Variants in PCNX1 observed in about 807,000 individuals in gnomAD.
PCNX1 encodes pecanex 1.
A neutral mutation model predicts 242.2 loss-of-function variants in PCNX1; 78 were observed. The ratio of observed to expected loss-of-function variants is 0.32; its 90% CI spans 0.27 to 0.39. The LOEUF (loss-of-function observed/expected upper bound fraction) is 0.39. PCNX1 is among the 10% of genes least tolerant of loss of function. The probability of loss-of-function intolerance (pLI) is 1.00; values close to 1 mark genes in which losing one functional copy is unlikely to be tolerated. For missense variants in PCNX1, 2,581 were observed against 2,856.5 expected, an observed-to-expected ratio of 0.90 and a Z score of 2.20; for synonymous variants, 1,024 against 1,032.9, an observed-to-expected ratio of 0.99 and a Z score of 0.17.
At chr14:71,011,010 ATGTT>A (rs1327483231) in intron 9 of PCNX1, among the ~76,000 whole-genome samples, 1 of 152,144 alleles carries the variant, frequency 6.6e-6, no homozygotes, top group Non-Finnish European at 1.5e-5. Flanking sequence ...TGCTGTTACC[ATGTT>A]TAATGTAGTT....
chr14:70,928,482 G>A (rs562886766), intron 1 of PCNX1, among the ~76,000 whole-genome samples: 1 of 152,184 alleles, frequency 6.6e-6, no homozygotes, highest in Non-Finnish European at 1.5e-5. Flanking sequence ...TAGAAATTCA[G>A]TGTTTATCAA....
intron 1 of PCNX1, among the ~76,000 whole-genome samples, chr14:70,935,296 G>T (rs1360229859): frequency 1.3e-5 from 2 of 152,064 alleles, no homozygotes; most frequent in Admixed American, 6.6e-5. Flanking sequence ...CCTGTAATCC[G>T]AGCACTTTGC....
chr14:70,909,805 C>T (rs2055742117), intron 1 of PCNX1, among the ~76,000 whole-genome samples: 1 of 152,082 alleles, frequency 6.6e-6, no homozygotes, highest in Non-Finnish European at 1.5e-5. Flanking sequence ...TTCCTTATCT[C>T]AATTAATGGC....
chr14:70,907,949 G>C lies in PCNX1; in HGVS notation c.99G>C (p.Ala33=), dbSNP rs1460991639. 1.3e-6 allele frequency: 2 copies of C among 1,597,512 alleles called. No homozygotes were observed. Among genetic ancestry groups the C allele is most frequent in the Non-Finnish European group, 1.7e-6 (2 of 1,173,294 alleles). The stretch of plus-strand genomic sequence containing the variant: ...CGCACCAGGCCACCTTCGTGAACGC[G>C]CTGCACCTCTACCTGTGGCTCTTTC... ...YDPHQATFVN[A]LHLYLWLFLL... Residue 33 remains alanine (A), a synonymous_variant, in exon 1 of 36, where the codon GCG becomes GCC. Transcript: ENST00000304743.
At chr14:71,099,769 A>G (rs2062413017) in intron 30 of PCNX1, among the ~76,000 whole-genome samples, 1 of 152,222 alleles carries the variant, frequency 6.6e-6, no homozygotes, top group Non-Finnish European at 1.5e-5. Context: ...TGTTGGGTGC[A>G]TATATATGTA....
chr14:71,002,098 A>T (rs2059521993), intron 8 of PCNX1, among the ~76,000 whole-genome samples: 3 of 152,262 alleles, frequency 2.0e-5, no homozygotes, highest in Admixed American at 2.0e-4. Flanking sequence ...GCAGAAATTC[A>T]GTGAGGGGAA....
At chr14:70,947,631 C>T (rs561156652) in intron 2 of PCNX1, among the ~76,000 whole-genome samples, 21 of 152,190 alleles carry the variant, frequency 1.4e-4, no homozygotes, top group African/African-American at 3.6e-4. Flanking sequence ...GGATGTATCT[C>T]GTCTCAGGAT....
chr14:71,110,206 C>G lies in PCNX1; in HGVS notation c.*271C>G. 1 of 444,344 alleles carries G rather than the reference C, an allele frequency of 2.3e-6. No homozygotes were observed. Among genetic ancestry groups the G allele is most frequent in the South Asian group, 2.3e-5 (1 of 43,460 alleles). 27.5% of individuals were successfully genotyped at this position (444,344 alleles called of 1,614,324 possible). A position where few individuals can be genotyped will look rare whatever the true frequency, so the allele number is the denominator to read the frequency against. On this transcript the variant is annotated 3_prime_UTR_variant, in exon 36 of 36. Coordinates refer to ENST00000304743, the MANE Select transcript of PCNX1 (RefSeq NM_014982.3). Reference sequence around the variant, plus strand: ...GGATAAAGTTCTGTTAAAATACATCCTTAAAAAAAGTTTTTCCTATGCATT... The same window carrying G: ...GGATAAAGTTCTGTTAAAATACATCGTTAAAAAAAGTTTTTCCTATGCATT...
chr14:71,038,987 C>T (rs1036898098), intron 19 of PCNX1, among the ~76,000 whole-genome samples: 2 of 151,376 alleles, frequency 1.3e-5, no homozygotes, highest in Non-Finnish European at 2.9e-5. Context: ...AAACCAAACA[C>T]CGCATATTCT....
intron 33 of PCNX1, among the ~76,000 whole-genome samples, chr14:71,107,763 G>T (rs1402503469): frequency 6.6e-6 from 1 of 152,166 alleles, no homozygotes; most frequent in Non-Finnish European, 1.5e-5. Context: ...AGTTGAAAGG[G>T]CAGTAATACT....
intron 6 of PCNX1, 105 bp downstream of exon 6, chr14:70,978,753 C>A: frequency 2.0e-6 from 2 of 1,007,254 alleles, no homozygotes; most frequent in Non-Finnish European, 1.4e-6. Context: ...TTCCCCCTTC[C>A]ACTGTGTTAT....
intron 1 of PCNX1, among the ~76,000 whole-genome samples, chr14:70,937,473 G>A (rs529316574): frequency 3.9e-5 from 6 of 152,232 alleles, no homozygotes; most frequent in African/African-American, 1.4e-4. Context: ...TGAGGGCTCT[G>A]TTCTGTTCCA....
intron 19 of PCNX1, among the ~76,000 whole-genome samples, 158 bp downstream of exon 19, chr14:71,036,315 A>G (rs563908244): frequency 1.3e-5 from 2 of 152,224 alleles, no homozygotes; most frequent in South Asian, 2.1e-4. Flanking sequence ...ACAGTTGTGC[A>G]CCACCACACC....
intron 2 of PCNX1, among the ~76,000 whole-genome samples, chr14:70,956,017 A>G (rs537357160): frequency 7.9e-4 from 121 of 152,214 alleles, no homozygotes; most frequent in African/African-American, 2.6e-3. Flanking sequence ...GGGCACATGT[A>G]GCAATGTCTG....
At chr14:71,048,697 AAC>A (rs2060935977) in intron 22 of PCNX1, among the ~76,000 whole-genome samples, 1 of 152,182 alleles carries the variant, frequency 6.6e-6, no homozygotes, top group African/African-American at 2.4e-5. Flanking sequence ...ACAGCTACAA[AAC>A]ACAATGAAAT....
intron 1 of PCNX1, among the ~76,000 whole-genome samples, chr14:70,923,815 A>G (rs1164563622): frequency 1.3e-5 from 2 of 152,152 alleles, no homozygotes; most frequent in African/African-American, 4.8e-5. Flanking sequence ...CTTTGCTAAC[A>G]CAAAACATGC....
chr14:70,933,033 A>G (rs1002733352), intron 1 of PCNX1, among the ~76,000 whole-genome samples: 11 of 152,240 alleles, frequency 7.2e-5, no homozygotes, highest in Middle Eastern at 3.2e-3. Flanking sequence ...GAAGACACCA[A>G]AAAACATGAA....
chr14:71,012,435 A>C (rs1324855027), intron 10 of PCNX1: 1 of 156,448 alleles, frequency 6.4e-6, no homozygotes, highest in Non-Finnish European at 1.4e-5. Flanking sequence ...GATTTTAGAC[A>C]CTTTTCTAGT....
At position 71,011,450 on chromosome 14, in the gene PCNX1, T is replaced by C. The variant is rs373364658; in HGVS notation, c.2721-42T>C. The stretch of plus-strand genomic sequence containing the variant: ...TGAATGTTAAAGGATATATTTTTCT[T>C]TCTGCTTGACAAACTGTTCCCTATT... On this transcript the variant is annotated intron_variant, in intron 9 of 35. Transcript: ENST00000304743. 894 of 1,099,134 alleles carry C rather than the reference T, an allele frequency of 8.1e-4. 5 individuals carry two copies. In the African/African-American group the frequency reaches 0.013, roughly 16 times the overall value. 68.1% of individuals were successfully genotyped at this position (1,099,134 alleles called of 1,614,324 possible). A position where few individuals can be genotyped will look rare whatever the true frequency, so the allele number is the denominator to read the frequency against.
Sources: allele counts gnomAD v4.1 joint callset (sites outside exome capture counted in the v4.1 genomes callset), GRCh38; gene constraint gnomAD v4.1.1; transcripts MANE v1.5; gene names NCBI Gene and HGNC (gene_info 2026-07-23, HGNC 2026-07-21).